The following C14orf39 variants were observed in gnomAD, a reference collection of about 807,000 sequenced individuals.
C14orf39 encodes chromosome 14 open reading frame 39.
Under a neutral mutation model 85.6 loss-of-function variants are expected in C14orf39, and 66 were observed. That is an observed-to-expected ratio of 0.77 (90% CI 0.63 to 0.95). The LOEUF (loss-of-function observed/expected upper bound fraction) is 0.95, where lower values mean the gene tolerates loss of function less well. Among genes scored for constraint, C14orf39 ranks in the 40% least tolerant of loss-of-function variants. The pLI, the probability that C14orf39 is intolerant of heterozygous loss-of-function variation, is 0.00. For synonymous variants in C14orf39, 242 were observed against 214.0 expected, an observed-to-expected ratio of 1.13 and a Z score of -1.14; for missense variants, 735 against 663.9, an observed-to-expected ratio of 1.11 and a Z score of -1.18.
intron 5 of C14orf39, among the ~76,000 whole-genome samples, chr14:60,477,935 T>C (rs1217760738): frequency 6.6e-6 from 1 of 151,966 alleles, no homozygotes; most frequent in East Asian, 1.9e-4. Flanking sequence ...ATCCCAGCAC[T>C]TTGGAAGGCC....
At chr14:60,505,202 A>G (rs1213943722) in intron 1 of C14orf39, among the ~76,000 whole-genome samples, 1 of 152,242 alleles carries the variant, frequency 6.6e-6, no homozygotes, top group Non-Finnish European at 1.5e-5. Flanking sequence ...TACAAGGTGC[A>G]CAATGGCAGG....
chr14:60,440,883 C>G (rs1157440487), intron 17 of C14orf39, among the ~76,000 whole-genome samples: 1 of 152,088 alleles, frequency 6.6e-6, no homozygotes, highest in Admixed American at 6.6e-5. Context: ...ACACTTTTCC[C>G]AGTAGCTTGT....
intron 1 of C14orf39, among the ~76,000 whole-genome samples, chr14:60,513,191 A>G (rs1390359122): frequency 6.6e-6 from 1 of 152,236 alleles, no homozygotes; most frequent in East Asian, 1.9e-4. Flanking sequence ...CTCTTGCACA[A>G]GAGCTTTACA....
chr14:60,456,302 G>T (rs1891274412), intron 15 of C14orf39, among the ~76,000 whole-genome samples: 1 of 151,928 alleles, frequency 6.6e-6, no homozygotes, highest in South Asian at 2.1e-4. Context: ...TGCCTAAAGA[G>T]CTTGCTTAAT....
chr14:60,486,495 A>T (rs1436848309), upstream of C14orf39, among the ~76,000 whole-genome samples: 3 of 152,214 alleles, frequency 2.0e-5, no homozygotes, highest in Non-Finnish European at 4.4e-5. Flanking sequence ...ACTCAAATAC[A>T]TATTAGTTGA....
At chr14:60,437,128 A>T in intron 17 of C14orf39, 81 bp from the exon 18 acceptor site, 1 of 857,652 alleles carries the variant, frequency 1.2e-6, no homozygotes, top group South Asian at 1.8e-5. Flanking sequence ...AGCATACTGC[A>T]TACAATAAAT....
chr14:60,469,929 G>GTTTTT (rs373485742), intron 7 of C14orf39, among the ~76,000 whole-genome samples: 14 of 108,224 alleles, frequency 1.3e-4, no homozygotes, highest in East Asian at 6.2e-4. Context: ...TCACAGGGTA[G>GTTTTT]TTTTTTTTTT....
chr14:60,451,608 G>A (rs1891039044), intron 16 of C14orf39, among the ~76,000 whole-genome samples: 1 of 150,358 alleles, frequency 6.7e-6, no homozygotes, highest in Non-Finnish European at 1.5e-5. Context: ...AACACCGCAT[G>A]TTCTCACTCA....
chr14:60,504,736 A>G (rs183156520), intron 1 of C14orf39, among the ~76,000 whole-genome samples: 1 of 152,354 alleles, frequency 6.6e-6, no homozygotes, highest in East Asian at 1.9e-4. Context: ...CTAAAGAAGT[A>G]GACAAGAGAA....
chr14:60,447,865 A>G (rs1235148834), intron 16 of C14orf39, among the ~76,000 whole-genome samples: 1 of 152,204 alleles, frequency 6.6e-6, no homozygotes, highest in Non-Finnish European at 1.5e-5. Flanking sequence ...AATGAAACAG[A>G]ACAGAGGCCT....
intron 16 of C14orf39, among the ~76,000 whole-genome samples, chr14:60,442,648 C>T (rs1226831870): frequency 3.3e-5 from 5 of 152,170 alleles, no homozygotes; most frequent in African/African-American, 1.2e-4. Flanking sequence ...TGACTCTTTC[C>T]ATGGCTCTAT....
upstream of C14orf39, among the ~76,000 whole-genome samples, chr14:60,486,307 GA>G (rs1892891843): frequency 6.6e-6 from 1 of 152,216 alleles, no homozygotes; most frequent in African/African-American, 2.4e-5. Flanking sequence ...CTGTTTTCTT[GA>G]AGACAAGTGT....
intron 1 of C14orf39, among the ~76,000 whole-genome samples, chr14:60,510,530 T>C (rs1302784491): frequency 6.6e-6 from 1 of 152,212 alleles, no homozygotes; most frequent in Non-Finnish European, 1.5e-5. Flanking sequence ...GCCGAGGCTT[T>C]TCGTTTCCCG....
intron 1 of C14orf39, among the ~76,000 whole-genome samples, chr14:60,505,669 A>T (rs1893193451): frequency 6.6e-6 from 1 of 152,230 alleles, no homozygotes; most frequent in African/African-American, 2.4e-5. Context: ...AGATGGATTC[A>T]ATTACCGCAT....
chr14:60,497,057 A>G (rs1956554), intron 2 of C14orf39, among the ~76,000 whole-genome samples: 130,122 of 152,178 alleles, frequency 0.86, 56,409 homozygotes, highest in Non-Finnish European at 0.92. Context: ...CTATCTCTCC[A>G]TCTTCATATT....
At chr14:60,450,657 C>T (rs576376441) in intron 16 of C14orf39, among the ~76,000 whole-genome samples, 7 of 152,198 alleles carry the variant, frequency 4.6e-5, no homozygotes, top group Non-Finnish European at 1.0e-4. Context: ...GCTTTAGGGC[C>T]TTCAGTGAAC....
intron 5 of C14orf39, among the ~76,000 whole-genome samples, chr14:60,475,367 A>T (rs1366821551): frequency 6.6e-6 from 1 of 151,876 alleles, no homozygotes; most frequent in East Asian, 1.9e-4. Context: ...AAACCGTTCA[A>T]ATAACCTTTT....
chr14:60,511,248 T>C (rs114981075), intron 1 of C14orf39: 1 of 1,613,422 alleles, frequency 6.2e-7, no homozygotes, highest in Non-Finnish European at 8.5e-7. Flanking sequence ...GAGTGCGACA[T>C]CTGAGTTGCC....
rs1444038636 is a variant in C14orf39 at position 60,460,622 on chromosome 14, A to G, written c.1117+732T>C. On this transcript the variant is annotated intron_variant, in intron 13 of 17. Coordinates refer to ENST00000321731, the MANE Select transcript of C14orf39 (RefSeq NM_174978.3). ...AAATATATATCCATCTGTGTGGTATACATTATATATACATTCACTCACATG... is the reference window on the plus strand; with the variant it reads ...AAATATATATCCATCTGTGTGGTATGCATTATATATACATTCACTCACATG... 2.6e-5 allele frequency among the ~76,000 whole-genome samples: 4 copies of G among 151,986 alleles called. No individual in the cohort carries two copies. The East Asian group carries it at 7.7e-4, about 29-fold the overall frequency.
Sources: gnomAD v4.1 joint callset for allele counts (sites outside exome capture counted in the v4.1 genomes callset) on GRCh38, gnomAD v4.1.1 for gene constraint, MANE v1.5 for transcripts, NCBI Gene and HGNC (gene_info 2026-07-23, HGNC 2026-07-21) for gene names.